ZNF292: variants seen among roughly 807,000 people sequenced by gnomAD.
ZNF292 encodes zinc finger protein 292.
ZNF292 carries 26 observed loss-of-function variants against 217.9 expected under a neutral mutation model. The ratio of observed to expected loss-of-function variants is 0.12; its 90% confidence interval spans 0.09 to 0.17. ZNF292 has a LOEUF of 0.17. ZNF292 is among the 10% of genes least tolerant of loss of function. The pLI is 1.00. For missense variants in ZNF292, 2,904 were observed against 3,175.2 expected (o/e 0.91, Z 2.05); for synonymous variants, 1,257 against 1,124.1 (o/e 1.12, Z -2.37).
In ZNF292 at chr6:87,233,136, T is replaced by G. The variant is rs1773733615; in HGVS notation, c.539-189T>G. ...TATAAGGGCCAAAAGTACTTAACTT[T>G]TAAAAGTTAGCAATATAATCTCTTC... On this transcript the variant is annotated intron_variant, in intron 4 of 7. Transcript: ENST00000369577. Among the ~76,000 whole-genome samples the G allele has an allele frequency of 2.0e-5, 3 of 152,280 alleles. No individual in the cohort carries two copies. In the South Asian group the frequency reaches 6.2e-4, roughly 32 times the overall value.
chr6:87,191,074 CTT>C (rs558571131), intron 1 of ZNF292, among the ~76,000 whole-genome samples: 1 of 150,986 alleles, frequency 6.6e-6, no homozygotes, highest in Admixed American at 6.6e-5. Flanking sequence ...GTGTACCATA[CTT>C]TTTTTTTAAC....
chr6:87,181,613 A>G (rs1364290236), intron 1 of ZNF292, among the ~76,000 whole-genome samples: 3 of 151,910 alleles, frequency 2.0e-5, no homozygotes, highest in East Asian at 3.9e-4. Flanking sequence ...TCTTCTACCC[A>G]GTATTTTCCT....
intron 5 of ZNF292, among the ~76,000 whole-genome samples, chr6:87,239,389 CG>C (rs1263768437): frequency 6.9e-5 from 10 of 145,266 alleles, no homozygotes; most frequent in Non-Finnish European, 1.5e-4. Context: ...GCTGGCGGGC[CG>C]GGGGCTGGCC....
chr6:87,193,059 G>A (rs574257452), intron 1 of ZNF292, among the ~76,000 whole-genome samples: 20 of 152,266 alleles, frequency 1.3e-4, no homozygotes, highest in Admixed American at 1.2e-3. Flanking sequence ...ATGGCAACTC[G>A]GCTCACTGCA....
In ZNF292 at chr6:87,259,625, C is replaced by T. The variant is rs759606888; in HGVS notation, c.5996C>T (p.Ala1999Val). Residue 1999 changes from alanine to valine, a missense_variant, in exon 8 of 8, where the codon GCC becomes GTC. This residue lies in a region of ZNF292 where 261 missense variants were observed against 272.8 expected (regional missense o/e 0.96). Coordinates refer to ENST00000369577, the MANE Select transcript of ZNF292 (RefSeq NM_015021.3). ...AAATCTCAGAGTGAAAATGTGCCGG[C>T]CTCACGAAGTACACAAGTGAAAAAA... ...GRKSQSENVP[A>V]SRSTQVKKQL... The T allele has an allele frequency of 8.2e-6, 13 of 1,582,216 alleles. No individual in the cohort carries two copies. Among genetic ancestry groups the T allele is most frequent in the African/African-American group, 1.3e-5 (1 of 74,200 alleles).
intron 3 of ZNF292, 37 bp downstream of exon 3, chr6:87,216,414 T>C: frequency 7.0e-7 from 1 of 1,437,998 alleles, no homozygotes; most frequent in African/African-American, 1.4e-5. Context: ...TACAGGTATA[T>C]CTTATGTCAG....
chr6:87,177,534 T>A (rs1771341655), intron 1 of ZNF292, among the ~76,000 whole-genome samples: 1 of 152,220 alleles, frequency 6.6e-6, no homozygotes, highest in South Asian at 2.1e-4. Context: ...AAGTTACTTT[T>A]CTGTCCTCCA....
chr6:87,184,018 T>C (rs1771555925), intron 1 of ZNF292, among the ~76,000 whole-genome samples: 1 of 152,230 alleles, frequency 6.6e-6, no homozygotes, highest in Admixed American at 6.5e-5. Flanking sequence ...TGAGGAAATT[T>C]CAATGTTTTC....
At chr6:87,162,642 A>G (rs981972304) in intron 1 of ZNF292, among the ~76,000 whole-genome samples, 3 of 152,220 alleles carry the variant, frequency 2.0e-5, no homozygotes, top group Admixed American at 6.5e-5. Context: ...GTATGCTTAT[A>G]TCAATTTCAG....
chr6:87,215,852 G>A, intron 1 of ZNF292, 51 bp from the exon 2 acceptor site: 2 of 1,444,432 alleles, frequency 1.4e-6, no homozygotes, highest in Admixed American at 2.7e-5. Flanking sequence ...ATGAGTCAAT[G>A]TATATTTTGA....
intron 1 of ZNF292, among the ~76,000 whole-genome samples, chr6:87,196,336 C>T (rs1582406284): frequency 6.6e-6 from 1 of 152,134 alleles, no homozygotes; most frequent in East Asian, 1.9e-4. Context: ...ATTCCACTTT[C>T]AGCATTGCCA....
chr6:87,215,653 A>G (rs1167996353), intron 1 of ZNF292, among the ~76,000 whole-genome samples: 1 of 152,186 alleles, frequency 6.6e-6, no homozygotes, highest in Non-Finnish European at 1.5e-5. Context: ...CTCTTGCCCT[A>G]TTTAAAACTA....
chr6:87,237,916 A>G (rs1365185521), intron 5 of ZNF292, among the ~76,000 whole-genome samples: 4 of 152,190 alleles, frequency 2.6e-5, no homozygotes, highest in South Asian at 2.1e-4. Flanking sequence ...ATTGGTGGCT[A>G]TGTTTCACTT....
chr6:87,240,175 C>G (rs879670649), intron 5 of ZNF292, among the ~76,000 whole-genome samples: 1 of 152,166 alleles, frequency 6.6e-6, no homozygotes, highest in Non-Finnish European at 1.5e-5. Context: ...CACAGCGAAA[C>G]CCCGTCTCCA....
chr6:87,161,951 C>G (rs1321922789), intron 1 of ZNF292, among the ~76,000 whole-genome samples: 8 of 152,152 alleles, frequency 5.3e-5, no homozygotes, highest in African/African-American at 1.7e-4. Context: ...TCCCTCCCCC[C>G]AAAAGCATCT....
chr6:87,261,728 A>G lies in ZNF292; in HGVS notation c.8099A>G (p.His2700Arg), dbSNP rs757914663. 4.3e-6 allele frequency: 7 copies of G among 1,613,004 alleles called. No individual in the cohort carries two copies. The highest frequency in any genetic ancestry group is 4.0e-5 in the African/African-American group (3 of 74,882). ...PTVSLKKLEVHSNDPDMSVMK... is the reference protein window; with the variant it reads ...PTVSLKKLEVRSNDPDMSVMK... ...GTCAGTCTGAAAAAACTTGAAGTAC[A>G]TTCAAATGATCCAGATATGTCTGTT... is the stretch of plus-strand genomic sequence containing the variant. The change falls in exon 8 of 8, where the codon CAT becomes CGT. Residue 2700 changes from histidine to arginine, a missense_variant. Around this residue, in one of 15 missense-constraint regions of ZNF292, gnomAD observed 380 missense variants for 355.3 expected, o/e 1.07. Transcript: ENST00000369577.
intron 1 of ZNF292, among the ~76,000 whole-genome samples, chr6:87,165,164 A>C (rs1051472344): frequency 2.0e-5 from 3 of 152,158 alleles, no homozygotes; most frequent in Non-Finnish European, 4.4e-5. Flanking sequence ...TAATAATGAC[A>C]TCCTAGTTCT....
chr6:87,200,593 T>C (rs865866269), intron 1 of ZNF292, among the ~76,000 whole-genome samples: 2 of 152,238 alleles, frequency 1.3e-5, no homozygotes, highest in African/African-American at 4.8e-5. Flanking sequence ...TCTGTAAGCC[T>C]AGTTTATAGC....
chr6:87,246,014 C>T (rs76217947), intron 7 of ZNF292, among the ~76,000 whole-genome samples: 1 of 152,196 alleles, frequency 6.6e-6, no homozygotes, highest in Non-Finnish European at 1.5e-5. Flanking sequence ...AGGCAGATCA[C>T]AAGGTCAGGA....
Sources: allele counts gnomAD v4.1 joint callset (sites outside exome capture counted in the v4.1 genomes callset), GRCh38; gene constraint gnomAD v4.1.1; regional missense constraint gnomAD v4.1.1; transcripts MANE v1.5; gene names NCBI Gene and HGNC (gene_info 2026-07-23, HGNC 2026-07-21).